Variants in ATXN1 observed in about 807,000 individuals in gnomAD.
ATXN1 encodes ataxin-1.
In ATXN1, 8 loss-of-function variants were observed where a neutral mutation model predicts 56.4. The observed-to-expected ratio is 0.14, with a 90% CI of 0.08 to 0.26. ATXN1 has a LOEUF of 0.26. Among genes scored for constraint, ATXN1 ranks in the 10% least tolerant of loss-of-function variants. The pLI is 1.00. For missense variants in ATXN1, 987 were observed against 1,106.5 expected (o/e 0.89, Z 1.53); for synonymous variants, 514 against 494.6 (o/e 1.04, Z -0.52).
intron 3 of ATXN1, among the ~76,000 whole-genome samples, chr6:16,622,976 CTT>C (rs1763344577): frequency 6.6e-6 from 1 of 151,944 alleles, no homozygotes; most frequent in Non-Finnish European, 1.5e-5. Context: ...TGCAACGTAA[CTT>C]TTTTGGCTTC....
At chr6:16,679,899 A>T (rs1397726331) in intron 2 of ATXN1, among the ~76,000 whole-genome samples, 1 of 152,240 alleles carries the variant, frequency 6.6e-6, no homozygotes, top group Admixed American at 6.5e-5. Flanking sequence ...AAGGAACTGT[A>T]GGATCTCCTA....
chr6:16,618,637 G>A (rs1302242266), intron 3 of ATXN1, among the ~76,000 whole-genome samples: 3 of 150,558 alleles, frequency 2.0e-5, no homozygotes, highest in South Asian at 2.1e-4. Context: ...CAGGAGAATC[G>A]CTTGAACCCG....
intron 2 of ATXN1, among the ~76,000 whole-genome samples, chr6:16,712,182 A>C (rs1263981801): frequency 6.6e-6 from 1 of 152,214 alleles, no homozygotes; most frequent in East Asian, 1.9e-4. Flanking sequence ...TGTACGCTTA[A>C]GATGTGTTGA....
At chr6:16,628,643 T>C (rs932719219) in intron 3 of ATXN1, among the ~76,000 whole-genome samples, 1 of 152,204 alleles carries the variant, frequency 6.6e-6, no homozygotes, top group Non-Finnish European at 1.5e-5. Flanking sequence ...TAGGACCCAG[T>C]GTCTGCTGTT....
intron 3 of ATXN1, among the ~76,000 whole-genome samples, chr6:16,618,552 G>T (rs1036123511): frequency 6.6e-6 from 1 of 152,144 alleles, no homozygotes; most frequent in African/African-American, 2.4e-5. Context: ...CCAACATGGC[G>T]AAACCCCATC....
At chr6:16,633,960 G>A (rs559142936) in intron 3 of ATXN1, among the ~76,000 whole-genome samples, 5 of 152,248 alleles carry the variant, frequency 3.3e-5, no homozygotes, top group Admixed American at 6.5e-5. Context: ...CAGCAAGCCC[G>A]CACTACAGCT....
chr6:16,545,844 G>A lies in ATXN1; in HGVS notation c.-360-23156C>T, dbSNP rs1459843065. Among the ~76,000 whole-genome samples the A allele has an allele frequency of 3.3e-5, 5 of 152,194 alleles. No individual in the cohort carries two copies. The East Asian group carries it at 5.8e-4, about 18-fold the overall frequency. On this transcript the variant is annotated intron_variant, in intron 4 of 7. Transcript: ENST00000436367. ...TGCAGTTGTATGTATAATTAGCTGA[G>A]ATTTATTTTAAAGTACTCTAATCTT...
chr6:16,625,127 A>G (rs933274183), intron 3 of ATXN1, among the ~76,000 whole-genome samples: 2 of 152,174 alleles, frequency 1.3e-5, no homozygotes, highest in East Asian at 3.8e-4. Context: ...CCACTCCCAC[A>G]TCGATCAAGT....
chr6:16,638,907 A>C (rs974524319), intron 3 of ATXN1, among the ~76,000 whole-genome samples: 14 of 152,168 alleles, frequency 9.2e-5, no homozygotes, highest in African/African-American at 3.4e-4. Context: ...CGGTGGCTAT[A>C]ATTAAATGCA....
intron 4 of ATXN1, among the ~76,000 whole-genome samples, chr6:16,568,286 A>C (rs1370676414): frequency 9.9e-5 from 15 of 152,030 alleles, no homozygotes; most frequent in Non-Finnish European, 2.9e-5. Context: ...GAGAGTATTA[A>C]ATTTTAAGAG....
At position 16,395,270 on chromosome 6, in the gene ATXN1, CAAAAAAA is replaced by C. The variant is rs748314030; in HGVS notation, c.-160-66807_-160-66801del. Among the ~76,000 whole-genome samples the C allele has an allele frequency of 1.3e-3, 61 of 48,456 alleles. 1 individual carries two copies. The highest frequency in any genetic ancestry group is 5.0e-3 in the African/African-American group (55 of 11,060). 31.8% of individuals were successfully genotyped at this position (48,456 alleles called of 152,430 possible). A position where few individuals can be genotyped will look rare whatever the true frequency, so the allele number is the denominator to read the frequency against. Reference sequence around the variant, plus strand: ...GGCCAACAAGAGCGAAACTCCGTCTCAAAAAAAAAAAAAAAAAAAAACAAGAACAAAA... The same window carrying C: ...GGCCAACAAGAGCGAAACTCCGTCTCAAAAAAAAAAAAAACAAGAACAAAA... On this transcript the variant is annotated intron_variant, in intron 6 of 7. Coordinates refer to ENST00000436367, the MANE Select transcript of ATXN1 (RefSeq NM_001128164.2).
At chr6:16,471,657 T>C (rs1262516848) in intron 6 of ATXN1, among the ~76,000 whole-genome samples, 1 of 151,132 alleles carries the variant, frequency 6.6e-6, no homozygotes, top group Non-Finnish European at 1.5e-5. Context: ...CAGTAGAGCA[T>C]GTCAGGAGTG....
chr6:16,703,888 G>A (rs1168414841), intron 2 of ATXN1, among the ~76,000 whole-genome samples: 5 of 152,160 alleles, frequency 3.3e-5, no homozygotes, highest in African/African-American at 4.8e-5. Context: ...GTGTGATGGC[G>A]CACGCCTGTA....
chr6:16,333,609 C>G (rs1247926687), intron 6 of ATXN1, among the ~76,000 whole-genome samples: 3 of 152,182 alleles, frequency 2.0e-5, no homozygotes, highest in African/African-American at 7.2e-5. Flanking sequence ...CCCATGGCTG[C>G]CTGGCCTGTA....
chr6:16,630,683 GA>G (rs1763488734), intron 3 of ATXN1, among the ~76,000 whole-genome samples: 1 of 152,140 alleles, frequency 6.6e-6, no homozygotes, highest in Non-Finnish European at 1.5e-5. Context: ...GGTAGTAAAT[GA>G]ACACTTTAAA....
At chr6:16,587,535 T>C (rs969644422) in intron 3 of ATXN1, among the ~76,000 whole-genome samples, 3 of 152,242 alleles carry the variant, frequency 2.0e-5, no homozygotes, top group African/African-American at 7.2e-5. Context: ...CTTTTGTATA[T>C]GTGTAGGCAT....
chr6:16,597,500 G>A (rs964705242), intron 3 of ATXN1, among the ~76,000 whole-genome samples: 24 of 150,576 alleles, frequency 1.6e-4, no homozygotes, highest in Admixed American at 1.1e-3. Flanking sequence ...GTGCAGTGGC[G>A]CAATCTTGGC....
At chr6:16,722,952 A>C (rs1247690244) in intron 2 of ATXN1, among the ~76,000 whole-genome samples, 1 of 152,228 alleles carries the variant, frequency 6.6e-6, no homozygotes, top group East Asian at 1.9e-4. Flanking sequence ...GCAAATACAG[A>C]AGTATTTTCT....
At chr6:16,557,409 T>G (rs751785631) in intron 4 of ATXN1, among the ~76,000 whole-genome samples, 28 of 151,342 alleles carry the variant, frequency 1.9e-4, no homozygotes, top group Middle Eastern at 3.5e-3. Flanking sequence ...TAGGAACAAC[T>G]GCAAAGGTCT....
Sources: allele counts gnomAD v4.1 joint callset (sites outside exome capture counted in the v4.1 genomes callset), GRCh38; gene constraint gnomAD v4.1.1; transcripts MANE v1.5; gene names NCBI Gene and HGNC (gene_info 2026-07-23, HGNC 2026-07-21).